Variants in KLHL1 observed in about 807,000 individuals in gnomAD.
KLHL1 encodes the protein kelch like family member 1.
KLHL1 carries 47 observed loss-of-function variants against 77.7 expected under a neutral mutation model. That is an observed-to-expected ratio of 0.60 (90% confidence interval 0.48 to 0.77). The LOEUF (loss-of-function observed/expected upper bound fraction) is 0.77, where lower values mean the gene tolerates loss of function less well. Ranked by LOEUF, KLHL1 falls within the 30% of genes least tolerant of loss-of-function variation. The pLI is 0.00. For missense variants in KLHL1, 925 were observed against 910.8 expected, an observed-to-expected ratio of 1.02 and a Z score of -0.20; for synonymous variants, 360 against 325.2, an observed-to-expected ratio of 1.11 and a Z score of -1.15.
At chr13:69,994,995 C>G (rs1186358024) in intron 1 of KLHL1, among the ~76,000 whole-genome samples, 1 of 152,082 alleles carries the variant, frequency 6.6e-6, no homozygotes, top group Non-Finnish European at 1.5e-5. Context: ...TCTATATCAA[C>G]AATGTACCAA....
At chr13:69,711,653 GTAA>G (rs1294344192) in intron 9 of KLHL1, among the ~76,000 whole-genome samples, 3 of 151,926 alleles carry the variant, frequency 2.0e-5, no homozygotes, top group Non-Finnish European at 4.4e-5. Context: ...CTGCATAACG[GTAA>G]TAATGTTCCT....
chr13:69,810,405 A>G (rs1877820307), intron 6 of KLHL1, among the ~76,000 whole-genome samples: 1 of 152,140 alleles, frequency 6.6e-6, no homozygotes, highest in Non-Finnish European at 1.5e-5. Flanking sequence ...CCATACGAAT[A>G]CATGTATATT....
intron 4 of KLHL1, among the ~76,000 whole-genome samples, chr13:69,924,992 T>C (rs891644389): frequency 5.3e-5 from 8 of 152,104 alleles, no homozygotes; most frequent in Non-Finnish European, 5.9e-5. Context: ...GATCCCATGC[T>C]ACCTCGCTCA....
chr13:70,005,168 A>G (rs1439506419), intron 1 of KLHL1, among the ~76,000 whole-genome samples: 1 of 151,938 alleles, frequency 6.6e-6, no homozygotes, highest in East Asian at 1.9e-4. Context: ...GTGGTTACCA[A>G]AGAGAGAAAA....
chr13:70,068,869 C>T (rs1887075236), intron 1 of KLHL1, among the ~76,000 whole-genome samples: 1 of 152,040 alleles, frequency 6.6e-6, no homozygotes, highest in Non-Finnish European at 1.5e-5. Context: ...GGGGAGGAGG[C>T]ACACTTTCCT....
intron 1 of KLHL1, among the ~76,000 whole-genome samples, chr13:69,977,167 A>G (rs575370797): frequency 1.3e-5 from 2 of 152,146 alleles, no homozygotes; most frequent in Non-Finnish European, 2.9e-5. Context: ...GGAAAAAAAT[A>G]GTAGGTTTGT....
At chr13:69,714,126 A>G (rs9572242) in intron 9 of KLHL1, among the ~76,000 whole-genome samples, 39,055 of 152,120 alleles carry the variant, frequency 0.26, 5,138 homozygotes, top group South Asian at 0.33. Flanking sequence ...GATGGAAAAA[A>G]TAAATTTCTG....
chr13:69,930,860 T>C (rs1593960005), intron 4 of KLHL1, among the ~76,000 whole-genome samples: 1 of 151,794 alleles, frequency 6.6e-6, no homozygotes, highest in South Asian at 2.1e-4. Context: ...GATACAGGTG[T>C]CTATTTATGT....
At chr13:69,778,662 A>G (rs557101060) in intron 7 of KLHL1, among the ~76,000 whole-genome samples, 1 of 152,262 alleles carries the variant, frequency 6.6e-6, no homozygotes, top group South Asian at 2.1e-4. Flanking sequence ...AAGCTTGATT[A>G]GTGAATAAGA....
At chr13:69,945,025 G>A (rs182199969) in intron 3 of KLHL1, among the ~76,000 whole-genome samples, 14 of 117,470 alleles carry the variant, frequency 1.2e-4, no homozygotes, top group East Asian at 5.3e-4. Context: ...TCACTTTGTC[G>A]CCCAGGCTGG....
intron 1 of KLHL1, among the ~76,000 whole-genome samples, chr13:70,082,357 ACACACACACAC>A: frequency 6.8e-6 from 1 of 147,602 alleles, no homozygotes; most frequent in Non-Finnish European, 1.5e-5. Context: ...ACACACACAC[ACACACACACAC>A]AAAGGAACCA....
chr13:69,979,299 G>A (rs1460134037), intron 1 of KLHL1, among the ~76,000 whole-genome samples: 1 of 151,802 alleles, frequency 6.6e-6, no homozygotes, highest in Non-Finnish European at 1.5e-5. Context: ...TCAGATAAAT[G>A]GTTATGTTTG....
intron 3 of KLHL1, among the ~76,000 whole-genome samples, chr13:69,955,872 TATATATTTATATATATATTTG>T (rs1163969210): frequency 2.1e-5 from 3 of 141,856 alleles, no homozygotes; most frequent in Non-Finnish European, 3.1e-5. Context: ...TACTAGCATA[TATATATTTATATATATATTTG>T]ATATATTTAT....
chr13:69,882,242 C>A, intron 5 of KLHL1, 41 bp downstream of exon 5: 1 of 1,343,556 alleles, frequency 7.4e-7, no homozygotes, highest in South Asian at 1.2e-5. Flanking sequence ...TAGGGTTTTT[C>A]AGTACATTGA....
rs570857589 is a variant in KLHL1, at chr13:70,064,986, T to C, written c.497+42217A>G. ...CCTTCAGATTATTATTTAATTATAG[T>C]AATGAAGAGTGCATTATAAGAATAA... On this transcript the variant is annotated intron_variant, in intron 1 of 10. Transcript: ENST00000377844. Among the ~76,000 whole-genome samples, 9 of 152,278 alleles carry C rather than the reference T, an allele frequency of 5.9e-5. No homozygotes were observed. The East Asian group carries it at 1.7e-3, about 29-fold the overall frequency.
intron 7 of KLHL1, among the ~76,000 whole-genome samples, chr13:69,780,761 C>T (rs1310684670): frequency 7.3e-5 from 9 of 122,530 alleles, no homozygotes; most frequent in African/African-American, 2.9e-4. Flanking sequence ...TATATATACA[C>T]ACACATTTAT....
chr13:70,009,410 A>G (rs1404766954), intron 1 of KLHL1, among the ~76,000 whole-genome samples: 1 of 152,170 alleles, frequency 6.6e-6, no homozygotes. Flanking sequence ...CAAGAAGAGC[A>G]TGTTTAAAGG....
chr13:69,874,092 A>C (rs2138180871), intron 5 of KLHL1, among the ~76,000 whole-genome samples: 1 of 152,254 alleles, frequency 6.6e-6, no homozygotes, highest in East Asian at 1.9e-4. Context: ...TGTTAGCAGT[A>C]ATTGTTTAGA....
chr13:69,807,425 G>C (rs954941578), intron 6 of KLHL1, among the ~76,000 whole-genome samples: 3 of 151,948 alleles, frequency 2.0e-5, no homozygotes, highest in Non-Finnish European at 4.4e-5. Flanking sequence ...CTGCCGGGAG[G>C]GTACTTTTCT....
Sources: gnomAD v4.1 joint callset for allele counts (sites outside exome capture counted in the v4.1 genomes callset) on GRCh38, gnomAD v4.1.1 for gene constraint, MANE v1.5 for transcripts, NCBI Gene and HGNC (gene_info 2026-07-23, HGNC 2026-07-21) for gene names.